Variants in GARS1 observed in about 807,000 individuals in gnomAD.
GARS1 encodes glycyl-tRNA synthetase 1.
In GARS1, 46 loss-of-function variants were observed where a neutral mutation model predicts 86.4. The observed-to-expected ratio is 0.53, with a 90% CI of 0.42 to 0.68. The LOEUF (loss-of-function observed/expected upper bound fraction) is 0.68. GARS1 is among the 30% of genes least tolerant of loss of function. GARS1 has a pLI of 0.00. For synonymous variants in GARS1, 342 were observed against 329.8 expected, an observed-to-expected ratio of 1.04 and a Z score of -0.40; for missense variants, 797 against 915.6, an observed-to-expected ratio of 0.87 and a Z score of 1.67.
intron 10 of GARS1, among the ~76,000 whole-genome samples, chr7:30,618,366 G>T (rs1384951164): frequency 6.6e-6 from 1 of 152,154 alleles, no homozygotes; most frequent in Non-Finnish European, 1.5e-5. Context: ...GGGTGTGGTG[G>T]CTCATGCTTG....
chr7:30,600,954 T>G (rs1791362599), intron 3 of GARS1, 105 bp from the exon 4 acceptor site: 1 of 1,050,814 alleles, frequency 9.5e-7, no homozygotes. Flanking sequence ...ATTGTTGACT[T>G]GAATACACTT....
Position 30,622,372 on chromosome 7 carries a change from A to G in GARS1, c.1523A>G (p.Tyr508Cys), listed in dbSNP as rs1783029749. The G allele has an allele frequency of 6.2e-7, 1 of 1,614,056 alleles. No individual in the cohort carries two copies. Among genetic ancestry groups the G allele is most frequent in the African/African-American group, 1.3e-5 (1 of 74,944 alleles). The change falls in exon 12 of 17, where the codon TAT (tyrosine) becomes TGT (cysteine). Residue 508 changes from tyrosine (Y) to cysteine (C), a missense_variant. Tyr to Cys is a radical substitution (Grantham distance 194). Transcript: ENST00000389266. ...EPSKGAIGKA[Y>C]KKDAKLVMEY... ...AGTAAGGGAGCAATTGGTAAGGCAT[A>G]TAAGAAGGATGCAAAACTGGTGATG...
intron 10 of GARS1, among the ~76,000 whole-genome samples, chr7:30,619,776 CTT>C (rs61613428): frequency 1.0e-4 from 13 of 124,282 alleles, no homozygotes; most frequent in South Asian, 2.7e-4. Flanking sequence ...TTCTTTTTTT[CTT>C]TTTTTTTTTT....
rs1166343020 is a variant in GARS1 at position 30,600,054 on chromosome 7, G to C, written c.427+5G>C. On this transcript the variant is annotated splice_donor_5th_base_variant and intron_variant, in intron 3 of 16. Coordinates refer to ENST00000389266, the MANE Select transcript of GARS1 (RefSeq NM_002047.4). ...AAGCTTTTGCTATTTATGGAGGTAAGGGATTAATGACAAAAAGAACTATTG... is the reference window on the plus strand; with the variant it reads ...AAGCTTTTGCTATTTATGGAGGTAACGGATTAATGACAAAAAGAACTATTG... 1 of 1,587,356 alleles carries C rather than the reference G, an allele frequency of 6.3e-7. No individual in the cohort carries two copies. Among genetic ancestry groups the C allele is most frequent in the Admixed American group, 1.7e-5 (1 of 60,004 alleles).
Position 30,621,592 on chromosome 7 carries a change from A to C in GARS1, c.1467+92A>C, listed in dbSNP as rs1056616006. 22 of 933,424 alleles carry C rather than the reference A, an allele frequency of 2.4e-5. No homozygotes were observed. In the African/African-American group the frequency reaches 3.2e-4, roughly 14 times the overall value. 57.8% of individuals were successfully genotyped at this position (933,424 alleles called of 1,614,324 possible). ...AAGTCTTTACCTTGTTCTATGGATAAATGGAGATGTTTTAGACACTGTAGT... is the reference window on the plus strand; with the variant it reads ...AAGTCTTTACCTTGTTCTATGGATACATGGAGATGTTTTAGACACTGTAGT... On this transcript the variant is annotated intron_variant, in intron 11 of 16. Coordinates refer to ENST00000389266, the MANE Select transcript of GARS1 (RefSeq NM_002047.4).
intron 1 of GARS1, chr7:30,596,052 T>C (rs1246385366): frequency 5.4e-6 from 2 of 368,260 alleles, no homozygotes; most frequent in Non-Finnish European, 1.1e-5. Context: ...TTTCAGATGA[T>C]TCCCATATGC....
upstream of GARS1, chr7:30,594,738 G>C (rs1484549247): frequency 3.3e-6 from 2 of 601,914 alleles, no homozygotes; most frequent in Non-Finnish European, 5.8e-6. Context: ...GAAAACCTTC[G>C]GCGGGGTCCT....
intron 4 of GARS1, among the ~76,000 whole-genome samples, chr7:30,602,390 C>T (rs1791398435): frequency 6.6e-6 from 1 of 152,302 alleles, no homozygotes; most frequent in East Asian, 1.9e-4. Flanking sequence ...AAGAGGAATT[C>T]TTGCCATTTT....
chr7:30,610,311 G>A (rs894471663), intron 7 of GARS1, among the ~76,000 whole-genome samples: 9 of 152,158 alleles, frequency 5.9e-5, no homozygotes, highest in African/African-American at 1.9e-4. Flanking sequence ...GAAAGATGTG[G>A]TTTTCATGGA....
Position 30,601,166 on chromosome 7 carries a change from G to T in GARS1, c.535G>T (p.Asp179Tyr), listed in dbSNP as rs372221055. The change falls in exon 4 of 17, where the codon GAT becomes TAT. Residue 179 changes from aspartate to tyrosine, a missense_variant. By Grantham distance (160) the Asp-to-Tyr change is radical. Around this residue, in one of 2 missense-constraint regions of GARS1, gnomAD observed 598 missense variants for 738.7 expected, o/e 0.81. Transcript: ENST00000389266. ...FIQEEQILEI[D>Y]CTMLTPEPVL... ...CCAAGAGGAACAGATCCTGGAGATC[G>T]ATTGCACCATGCTCACCCCTGAGCC... The T allele has an allele frequency of 1.2e-6, 2 of 1,614,118 alleles. No individual in the cohort carries two copies. The highest frequency in any genetic ancestry group is 1.7e-6 in the Non-Finnish European group (2 of 1,179,992).
At chr7:30,605,988 C>T (rs963668006) in intron 6 of GARS1, among the ~76,000 whole-genome samples, 1 of 152,104 alleles carries the variant, frequency 6.6e-6, no homozygotes, top group Non-Finnish European at 1.5e-5. Flanking sequence ...CCTTCATTCC[C>T]TTTTCCCTCC....
At chr7:30,628,443 C>T (rs1293835873) in intron 13 of GARS1, 117 bp from the exon 14 acceptor site, 1 of 739,294 alleles carries the variant, frequency 1.4e-6, no homozygotes, top group Middle Eastern at 2.6e-4. Context: ...CCTCAGCCTC[C>T]CAAAATGCTG....
chr7:30,633,916 T>C lies in GARS1; in HGVS notation c.*56T>C. 6.7e-6 allele frequency: 10 copies of C among 1,486,712 alleles called. No individual in the cohort carries two copies. The highest frequency in any genetic ancestry group is 9.3e-6 in the Non-Finnish European group (10 of 1,072,494). 92.1% of individuals were successfully genotyped at this position (1,486,712 alleles called of 1,614,324 possible). On this transcript the variant is annotated 3_prime_UTR_variant, in exon 17 of 17. Coordinates refer to ENST00000389266, the MANE Select transcript of GARS1 (RefSeq NM_002047.4). ...GCTAATAAAAAAAAAAAAAAACTAC[T>C]CTTATGTCCACTTTACAAAAGAAAA...
intron 2 of GARS1, among the ~76,000 whole-genome samples, chr7:30,599,408 T>G (rs970470559): frequency 2.0e-5 from 3 of 150,422 alleles, no homozygotes; most frequent in Non-Finnish European, 2.9e-5. Context: ...AAACTTAGTC[T>G]TGTTTTTTTT....
intron 14 of GARS1, chr7:30,631,179 G>C (rs1783229058): frequency 2.7e-6 from 1 of 376,832 alleles, no homozygotes. Context: ...AAGCAGAGCA[G>C]GTGGTAGAGA....
chr7:30,632,447 C>T lies in GARS1; in HGVS notation c.2094+10C>T. The T allele has an allele frequency of 6.2e-7, 1 of 1,613,902 alleles. No individual in the cohort carries two copies. The highest frequency in any genetic ancestry group is 8.5e-7 in the Non-Finnish European group (1 of 1,179,852). On this transcript the variant is annotated intron_variant, in intron 16 of 16. Transcript: ENST00000389266. The surrounding 1 kb of genome is among the most constrained non-coding windows in gnomAD (Gnocchi z 4.1). ...GCAGATAAGAGCAGAGGTATCTGGC[C>T]TTCTCTTTGGCATTTTTAGCCTTAG...
At chr7:30,611,363 C>T (rs1024822849) in intron 7 of GARS1, among the ~76,000 whole-genome samples, 4 of 152,186 alleles carry the variant, frequency 2.6e-5, no homozygotes, top group African/African-American at 9.7e-5. Context: ...TGTGGGTTAA[C>T]AGGGCTAAAC....
At chr7:30,595,179 C>T (rs1191533388) in intron 1 of GARS1, 36 bp downstream of exon 1, 3 of 1,513,200 alleles carry the variant, frequency 2.0e-6, no homozygotes, top group Admixed American at 3.9e-5. Flanking sequence ...AAGCCTCCGG[C>T]TCTCCTCCCA....
intron 12 of GARS1, among the ~76,000 whole-genome samples, chr7:30,624,358 T>C (rs1343671759): frequency 6.6e-6 from 1 of 152,148 alleles, no homozygotes; most frequent in Non-Finnish European, 1.5e-5. Flanking sequence ...ATGATAAATA[T>C]GTGGGTAAAT....
Sources: allele counts gnomAD v4.1 joint callset (sites outside exome capture counted in the v4.1 genomes callset), GRCh38; gene constraint gnomAD v4.1.1; regional missense constraint gnomAD v4.1.1; non-coding constraint Gnocchi (gnomAD v3.1); transcripts MANE v1.5; gene names NCBI Gene and HGNC (gene_info 2026-07-23, HGNC 2026-07-21).